The following FGGY variants were observed in gnomAD, a reference collection of about 807,000 sequenced individuals.
FGGY encodes FGGY carbohydrate kinase domain containing.
A neutral mutation model predicts 71.3 loss-of-function variants in FGGY; 72 were observed. The ratio of observed to expected loss-of-function variants is 1.01; its 90% confidence interval spans 0.84 to 1.23. FGGY has a LOEUF of 1.23. FGGY is among the 50% of genes most tolerant of loss of function. FGGY has a pLI of 0.00. For missense variants in FGGY, 668 were observed against 682.3 expected (o/e 0.98, Z 0.23); for synonymous variants, 251 against 250.3 (o/e 1.00, Z -0.02).
intron 8 of FGGY, among the ~76,000 whole-genome samples, chr1:59,555,073 A>G (rs2095663698): frequency 6.6e-6 from 1 of 152,138 alleles, no homozygotes. Flanking sequence ...GAGCCTTTTT[A>G]CCATCAGATA....
At chr1:59,631,397 G>A (rs1226945285) in intron 10 of FGGY, among the ~76,000 whole-genome samples, 5 of 152,026 alleles carry the variant, frequency 3.3e-5, no homozygotes, top group South Asian at 2.1e-4. Flanking sequence ...ATGTTAGTTC[G>A]GTTTCCTTCC....
intron 5 of FGGY, among the ~76,000 whole-genome samples, chr1:59,419,770 A>G (rs2065088511): frequency 6.6e-6 from 1 of 152,204 alleles, no homozygotes. Context: ...GTCTGCCGTC[A>G]GTGAAGATGA....
chr1:59,464,554 A>C lies in FGGY; in HGVS notation c.670+7478A>C, dbSNP rs1315476772. Among the ~76,000 whole-genome samples the C allele has an allele frequency of 1.3e-5, 2 of 152,184 alleles. 1 individual carries two copies. Among genetic ancestry groups the C allele is most frequent in the Non-Finnish European group, 2.9e-5 (2 of 68,030 alleles). ...GAGATAGAGACACACACACAAAAAA[A>C]CCCTTCAAAAAATCAATGAATCTAG... On this transcript the variant is annotated intron_variant, in intron 6 of 15. Coordinates refer to ENST00000303721, the MANE Select transcript of FGGY (RefSeq NM_018291.5).
intron 5 of FGGY, among the ~76,000 whole-genome samples, chr1:59,446,769 G>A (rs1373568908): frequency 1.3e-5 from 2 of 152,208 alleles, no homozygotes; most frequent in African/African-American, 4.8e-5. Flanking sequence ...TCACTGGCTG[G>A]TTCGATTGAG....
At chr1:59,706,524 A>G (rs1357800559) in intron 14 of FGGY, among the ~76,000 whole-genome samples, 1 of 152,218 alleles carries the variant, frequency 6.6e-6, no homozygotes. Flanking sequence ...ACTTTGGATA[A>G]TATGCTTACT....
At chr1:59,298,142 T>C (rs1287074767) in intron 1 of FGGY, among the ~76,000 whole-genome samples, 1 of 152,186 alleles carries the variant, frequency 6.6e-6, no homozygotes, top group Non-Finnish European at 1.5e-5. Flanking sequence ...ATCCACCACG[T>C]GTATGTCCTG....
chr1:59,613,709 G>A (rs574961576), intron 9 of FGGY, among the ~76,000 whole-genome samples: 123 of 152,244 alleles, frequency 8.1e-4, no homozygotes, highest in Middle Eastern at 3.4e-3. Context: ...GCATCCAGAA[G>A]CTGGTTTTTT....
chr1:59,321,431 C>T (rs941385831), intron 1 of FGGY, 105 bp from the exon 2 acceptor site: 39 of 953,086 alleles, frequency 4.1e-5, no homozygotes, highest in East Asian at 7.9e-5. Flanking sequence ...AAATGGCTAC[C>T]GGTTAGGTAG....
intron 14 of FGGY, among the ~76,000 whole-genome samples, chr1:59,742,138 G>C (rs932924265): frequency 6.6e-6 from 1 of 152,108 alleles, no homozygotes; most frequent in Non-Finnish European, 1.5e-5. Context: ...CTGCCTATCA[G>C]CTCCCCTAGC....
chr1:59,712,708 A>C (rs1299312468), intron 14 of FGGY, among the ~76,000 whole-genome samples: 1 of 152,002 alleles, frequency 6.6e-6, no homozygotes, highest in Non-Finnish European at 1.5e-5. Flanking sequence ...GACGCAGGGC[A>C]CCAAGTCCTA....
intron 4 of FGGY, among the ~76,000 whole-genome samples, chr1:59,357,431 A>C (rs188808614): frequency 4.6e-5 from 7 of 152,316 alleles, no homozygotes; most frequent in Admixed American, 2.6e-4. Flanking sequence ...TTGTGGGATA[A>C]ATATTACTAC....
intron 1 of FGGY, among the ~76,000 whole-genome samples, chr1:59,320,672 T>A (rs978905857): frequency 6.6e-5 from 10 of 152,220 alleles, no homozygotes; most frequent in African/African-American, 2.4e-4. Flanking sequence ...TAATTGCTGA[T>A]CTTGTCTCCT....
intron 7 of FGGY, among the ~76,000 whole-genome samples, chr1:59,533,311 C>T (rs2095212207): frequency 6.6e-6 from 1 of 152,222 alleles, no homozygotes; most frequent in South Asian, 2.1e-4. Flanking sequence ...TAAAAAACAG[C>T]ACACCAGATT....
chr1:59,734,497 C>T (rs1421060325), intron 14 of FGGY, among the ~76,000 whole-genome samples: 1 of 152,236 alleles, frequency 6.6e-6, no homozygotes, highest in Non-Finnish European at 1.5e-5. Context: ...AGTCAAGTGT[C>T]ATTTTTCGTC....
intron 7 of FGGY, among the ~76,000 whole-genome samples, chr1:59,522,542 G>A (rs1040061182): frequency 1.3e-5 from 2 of 152,158 alleles, no homozygotes; most frequent in Non-Finnish European, 2.9e-5. Context: ...GGGATGCGTA[G>A]CTATTGGGGT....
intron 14 of FGGY, among the ~76,000 whole-genome samples, chr1:59,677,229 A>T (rs1412983882): frequency 6.6e-6 from 1 of 152,216 alleles, no homozygotes; most frequent in East Asian, 1.9e-4. Context: ...TCTGTGATTC[A>T]TATTTTCAAC....
rs144574662 is a variant in FGGY at position 59,370,337 on chromosome 1, G to A, written c.466-8412G>A. ...GAAGATGAAATGAATGAAATGAAGC[G>A]AGAAGGGAAGTTTAGAGAAAAAAGA... On this transcript the variant is annotated intron_variant, in intron 4 of 15. Transcript: ENST00000303721. 6.1e-3 allele frequency among the ~76,000 whole-genome samples: 924 copies of A among 152,224 alleles called. 9 individuals carry two copies. Among genetic ancestry groups the A allele is most frequent in the African/African-American group, 0.02 (820 of 41,538 alleles).
chr1:59,642,323 A>T (rs1473234339), intron 11 of FGGY, among the ~76,000 whole-genome samples: 1 of 152,206 alleles, frequency 6.6e-6, no homozygotes, highest in Admixed American at 6.5e-5. Context: ...GTATACAGTG[A>T]GTGGGGATAA....
At chr1:59,501,709 G>A (rs2094229730) in intron 6 of FGGY, among the ~76,000 whole-genome samples, 1 of 152,198 alleles carries the variant, frequency 6.6e-6, no homozygotes, top group Non-Finnish European at 1.5e-5. Context: ...TCCCTCTGAA[G>A]GCATGCCGTG....
Sources: gnomAD v4.1 joint callset for allele counts (sites outside exome capture counted in the v4.1 genomes callset) on GRCh38, gnomAD v4.1.1 for gene constraint, MANE v1.5 for transcripts, NCBI Gene and HGNC (gene_info 2026-07-23, HGNC 2026-07-21) for gene names.